Variants in SYNC observed in about 807,000 individuals in gnomAD.
The protein encoded by SYNC is syncoilin.
A neutral mutation model predicts 49.5 loss-of-function variants in SYNC; 38 were observed. The ratio of observed to expected loss-of-function variants is 0.77; its 90% CI spans 0.59 to 1.01. SYNC has a LOEUF of 1.01. Among genes scored for constraint, SYNC ranks in the 50% least tolerant of loss-of-function variants. The pLI is 0.00. For synonymous variants in SYNC, 201 were observed against 230.8 expected (o/e 0.87, Z 1.17); for missense variants, 579 against 580.6 (o/e 1.00, Z 0.03).
chr1:32,693,899 T>C (rs1557875022), intron 2 of SYNC, among the ~76,000 whole-genome samples: 1 of 152,164 alleles, frequency 6.6e-6, no homozygotes, highest in Non-Finnish European at 1.5e-5. Flanking sequence ...AGCCCAGGAT[T>C]TCAAGACCAG....
In SYNC at chr1:32,681,002, C is replaced by T. The variant is rs1270283692; in HGVS notation, c.*848G>A. The T allele has an allele frequency of 6.5e-6, 1 of 154,510 alleles. No homozygotes were observed. Among genetic ancestry groups the T allele is most frequent in the African/African-American group, 2.4e-5 (1 of 41,518 alleles). The allele number at this position is 154,510 out of a possible 1,614,324, so 9.6% of individuals were successfully genotyped here. ...TGGAAAAGGTGCTTGAACCTTTTCT[C>T]AGAGGTTTTATTTCCCCAGTATGTT... On this transcript the variant is annotated 3_prime_UTR_variant, in exon 5 of 5. Transcript: ENST00000409190.
At position 32,702,596 on chromosome 1, in the gene SYNC, G is replaced by A. The variant is rs1206340613; in HGVS notation, c.53+12C>T. ...CCAGCGGGGCGGCGACGCGGGCCCG[G>A]CACTGTCCTACCTCGCGGCCTGGGC... is the stretch of plus-strand genomic sequence containing the variant. On this transcript the variant is annotated intron_variant, in intron 1 of 4. Transcript: ENST00000409190. The surrounding 1 kb of genome is among the most constrained non-coding windows in gnomAD (Gnocchi z 6.2). 2 of 1,217,744 alleles carry A rather than the reference G, an allele frequency of 1.6e-6. No homozygotes were observed. The highest frequency in any genetic ancestry group is 3.3e-5 in the East Asian group (1 of 30,012). 75.4% of individuals were successfully genotyped at this position (1,217,744 alleles called of 1,614,324 possible). A position where few individuals can be genotyped will look rare whatever the true frequency, so the allele number is the denominator to read the frequency against.
At position 32,695,217 on chromosome 1, in the gene SYNC, G is replaced by A. The variant is rs1316873472; in HGVS notation, c.881C>T (p.Ala294Val). 6.4e-7 allele frequency: 1 copy of A among 1,553,770 alleles called. No homozygotes were observed. The highest frequency in any genetic ancestry group is 8.7e-7 in the Non-Finnish European group (1 of 1,148,160). ...LSEELAQLRD[A>V]YQKQKEQLRQ... Reference sequence around the variant, plus strand: ...CAGCTGCTCCTTCTGCTTCTGATAGGCATCCCGGAGCTGGGCCAGTTCCTC... The same window carrying A: ...CAGCTGCTCCTTCTGCTTCTGATAGACATCCCGGAGCTGGGCCAGTTCCTC... The change falls in exon 2 of 5, where the codon GCC becomes GTC. Residue 294 changes from alanine (A) to valine (V), a missense_variant. Ala to Val is a moderately conservative substitution (Grantham distance 64). Transcript: ENST00000409190.
chr1:32,682,076 A>G, intron 4 of SYNC: 1 of 546,062 alleles, frequency 1.8e-6, no homozygotes, highest in Non-Finnish European at 3.3e-6. Flanking sequence ...TTAACTTCTT[A>G]CAGGTATAAT....
At position 32,695,293 on chromosome 1, in the gene SYNC, G is replaced by A. The variant is rs1557876153; in HGVS notation, c.805C>T (p.Gln269Ter). ...QLECRQQDVA[Q>*]FADFREVLTT... ...AGCACTTCCCGGAAATCGGCAAACT[G>A]AGCCACGTCCTGCTGGCGGCACTCC... Residue 269 changes from glutamine to a stop codon, truncating the protein, a stop_gained, in exon 2 of 5, where the codon CAG becomes TAG. Transcript: ENST00000409190. LOFTEE classifies it high-confidence loss of function. 1.3e-6 allele frequency: 2 copies of A among 1,551,488 alleles called. No individual in the cohort carries two copies. The highest frequency in any genetic ancestry group is 1.7e-6 in the Non-Finnish European group (2 of 1,147,036).
chr1:32,680,664 A>G lies in SYNC; in HGVS notation c.*1186T>C. The G allele has an allele frequency of 1.1e-6, 1 of 952,072 alleles. No homozygotes were observed. Among genetic ancestry groups the G allele is most frequent in the South Asian group, 1.6e-5 (1 of 63,884 alleles). The allele number at this position is 952,072 out of a possible 1,614,324, so 59.0% of individuals were successfully genotyped here. On this transcript the variant is annotated 3_prime_UTR_variant, in exon 5 of 5. Transcript: ENST00000409190. The stretch of plus-strand genomic sequence containing the variant: ...TGCTTTTCTACATAACCCCATGCTG[A>G]TGGGTTTTATTTAGTATAAAACATC...
chr1:32,681,734 C>G lies in SYNC; in HGVS notation c.*116G>C. The G allele has an allele frequency of 6.4e-7, 1 of 1,560,102 alleles. No individual in the cohort carries two copies. Among genetic ancestry groups the G allele is most frequent in the African/African-American group, 1.4e-5 (1 of 73,882 alleles). On this transcript the variant is annotated 3_prime_UTR_variant, in exon 5 of 5. Coordinates refer to ENST00000409190, the MANE Select transcript of SYNC (RefSeq NM_030786.3). ...TTTGCAACTTCCACAGGATGAATTG[C>G]TTGCCAAGTTTCTGGCACTCTTGTC...
intron 4 of SYNC, chr1:32,683,758 G>A: frequency 5.0e-6 from 2 of 401,570 alleles, no homozygotes; most frequent in Non-Finnish European, 4.6e-6. Context: ...TTGGCCTCCT[G>A]AGTAGCTGGG....
In SYNC at chr1:32,695,621, C is replaced by T; in HGVS notation, c.477G>A (p.Gln159=). 2 of 1,551,616 alleles carry T rather than the reference C, an allele frequency of 1.3e-6. No individual in the cohort carries two copies. Among genetic ancestry groups the T allele is most frequent in the East Asian group, 2.4e-5 (1 of 40,892 alleles). ...TCAGGTTCTCCTCCATGCTGGGGCT[C>T]TGCTCGGCTCTGAGGCTCTCCTCAG... is the stretch of plus-strand genomic sequence containing the variant. The part of the protein sequence containing the change: ...SNPEESLRAE[Q]SPSMEENLSI... The change falls in exon 2 of 5, where the codon CAG becomes CAA. Residue 159 remains glutamine, a synonymous_variant. Coordinates refer to ENST00000409190, the MANE Select transcript of SYNC (RefSeq NM_030786.3).
At chr1:32,688,806 C>T (rs552822272) in intron 2 of SYNC, among the ~76,000 whole-genome samples, 1 of 152,014 alleles carries the variant, frequency 6.6e-6, no homozygotes, top group South Asian at 2.1e-4. Flanking sequence ...TGGTCTCGAT[C>T]TCCTGACCTC....
At chr1:32,683,863 C>G (rs1649618094) in intron 4 of SYNC, 147 bp downstream of exon 4, 1 of 708,584 alleles carries the variant, frequency 1.4e-6, no homozygotes, top group East Asian at 2.7e-5. Context: ...GAACTCCTGA[C>G]TCCAGGTGAT....
chr1:32,680,506 G>A lies in SYNC; in HGVS notation c.*1344C>T. On this transcript the variant is annotated 3_prime_UTR_variant, in exon 5 of 5. Coordinates refer to ENST00000409190, the MANE Select transcript of SYNC (RefSeq NM_030786.3). The stretch of plus-strand genomic sequence containing the variant: ...TAAAAATTAAATTAATCCTTGATAA[G>A]AGTTGCTTTTTTTTTTTAGGAGTTA... The A allele has an allele frequency of 6.5e-7, 1 of 1,540,966 alleles. No homozygotes were observed. Among genetic ancestry groups the A allele is most frequent in the African/African-American group, 1.4e-5 (1 of 72,486 alleles).
intron 2 of SYNC, among the ~76,000 whole-genome samples, chr1:32,692,545 G>C (rs1345763839): frequency 6.6e-6 from 1 of 152,178 alleles, no homozygotes; most frequent in African/African-American, 2.4e-5. Flanking sequence ...TCAGGTGTTC[G>C]AGACCAGCCT....
chr1:32,684,019 G>C lies in SYNC; in HGVS notation c.1429C>G (p.Gln477Glu). Residue 477 changes from glutamine (Q) to glutamate (E), a missense_variant, in exon 4 of 5, where the codon CAG becomes GAG. Coordinates refer to ENST00000409190, the MANE Select transcript of SYNC (RefSeq NM_030786.3). ...TCTTCACAAAGATCACCTTGAGACT[G>C]TGTCTCCATTCCACCTGCCTGAGAA... ...PTSQAGGMET[Q>E]SQGAV 1 of 1,614,030 alleles carries C rather than the reference G, an allele frequency of 6.2e-7. No individual in the cohort carries two copies. Among genetic ancestry groups the C allele is most frequent in the Non-Finnish European group, 8.5e-7 (1 of 1,179,892 alleles).
At chr1:32,701,510 G>A (rs1650668004) in intron 1 of SYNC, among the ~76,000 whole-genome samples, 1 of 152,166 alleles carries the variant, frequency 6.6e-6, no homozygotes. Flanking sequence ...ATCTGCCCAA[G>A]GTCGAATGGC....
In SYNC at chr1:32,680,270, A is replaced by G; in HGVS notation, c.*1580T>C. 4.1e-6 allele frequency: 5 copies of G among 1,220,280 alleles called. No homozygotes were observed. The highest frequency in any genetic ancestry group is 5.1e-6 in the Non-Finnish European group (5 of 980,116). 75.6% of individuals were successfully genotyped at this position (1,220,280 alleles called of 1,614,324 possible). On this transcript the variant is annotated 3_prime_UTR_variant, in exon 5 of 5. Coordinates refer to ENST00000409190, the MANE Select transcript of SYNC (RefSeq NM_030786.3). The stretch of plus-strand genomic sequence containing the variant: ...CGTTCCTCTTTCCCCATATATTCAT[A>G]TATTTTTGCTCGTTAGTGTATTTCT...
chr1:32,688,121 C>T (rs535704620), intron 2 of SYNC, among the ~76,000 whole-genome samples: 1 of 152,074 alleles, frequency 6.6e-6, no homozygotes, highest in East Asian at 1.9e-4. Flanking sequence ...AGGTGTGAGC[C>T]ACTGCTCCTG....
intron 2 of SYNC, among the ~76,000 whole-genome samples, chr1:32,686,750 T>C (rs1234336573): frequency 2.0e-5 from 3 of 152,140 alleles, no homozygotes; most frequent in Non-Finnish European, 4.4e-5. Flanking sequence ...GGGAGTATTA[T>C]TAATCTCATG....
At chr1:32,697,541 C>T (rs751567439) in intron 1 of SYNC, among the ~76,000 whole-genome samples, 3 of 151,518 alleles carry the variant, frequency 2.0e-5, no homozygotes, top group Non-Finnish European at 4.4e-5. Flanking sequence ...TTAAGGCCAG[C>T]GTGGGCAACA....
Sources: gnomAD v4.1 joint callset for allele counts (sites outside exome capture counted in the v4.1 genomes callset) on GRCh38, gnomAD v4.1.1 for gene constraint, Gnocchi (gnomAD v3.1) non-coding constraint, MANE v1.5 for transcripts, NCBI Gene and HGNC (gene_info 2026-07-23, HGNC 2026-07-21) for gene names.